Variants in SORCS2 observed in about 807,000 individuals in gnomAD.
SORCS2 encodes the protein sortilin related VPS10 domain containing receptor 2, also known as VPS10 domain-containing receptor SorCS2.
SORCS2 carries 100 observed loss-of-function variants against 141.6 expected under a neutral mutation model. That is an observed-to-expected ratio of 0.71 (90% CI 0.60 to 0.83). The LOEUF (loss-of-function observed/expected upper bound fraction) is 0.83. SORCS2 is among the 40% of genes least tolerant of loss of function. The pLI, the probability that SORCS2 is intolerant of heterozygous loss-of-function variation, is 0.00. For missense variants in SORCS2, 1,646 were observed against 1,560.2 expected, an observed-to-expected ratio of 1.05 and a Z score of -0.93; for synonymous variants, 789 against 676.9, an observed-to-expected ratio of 1.17 and a Z score of -2.57.
intron 2 of SORCS2, among the ~76,000 whole-genome samples, chr4:7,454,310 A>C (rs1387242189): frequency 8.1e-5 from 4 of 49,130 alleles, no homozygotes; most frequent in African/African-American, 8.9e-5. Context: ...TGGGGTTAGG[A>C]GCTGTGTGTT....
At chr4:7,390,325 G>A (rs1723774727) in intron 1 of SORCS2, among the ~76,000 whole-genome samples, 2 of 152,210 alleles carry the variant, frequency 1.3e-5, no homozygotes, top group Non-Finnish European at 1.5e-5. Flanking sequence ...CCATGTGTCA[G>A]GCTGCTTCAC....
intron 1 of SORCS2, among the ~76,000 whole-genome samples, chr4:7,255,863 AGC>A (rs1560143818): frequency 1.2e-3 from 10 of 8,660 alleles, no homozygotes; most frequent in Non-Finnish European, 2.1e-3. Context: ...CCGGGGCTGG[AGC>A]GTGGGGCCCC....
intron 14 of SORCS2, among the ~76,000 whole-genome samples, chr4:7,708,071 G>A (rs1017267941): frequency 1.8e-4 from 27 of 152,206 alleles, no homozygotes; most frequent in African/African-American, 5.5e-4. Context: ...GAAGCAGAAC[G>A]TCTGTGCCCA....
intron 2 of SORCS2, among the ~76,000 whole-genome samples, chr4:7,462,989 A>G (rs1729404085): frequency 6.6e-6 from 1 of 151,826 alleles, no homozygotes; most frequent in African/African-American, 2.4e-5. Context: ...ATCACTAGCC[A>G]CCACACCTCC....
chr4:7,362,689 C>T (rs922280782), intron 1 of SORCS2, among the ~76,000 whole-genome samples: 12 of 151,822 alleles, frequency 7.9e-5, no homozygotes, highest in African/African-American at 2.9e-4. Context: ...ACTGCCATCA[C>T]CATCTCCACC....
At chr4:7,588,937 T>C (rs903754059) in intron 3 of SORCS2, among the ~76,000 whole-genome samples, 2 of 152,054 alleles carry the variant, frequency 1.3e-5, no homozygotes, top group Non-Finnish European at 2.9e-5. Flanking sequence ...GGACATCAAG[T>C]TGGTTTTATA....
chr4:7,293,903 A>T (rs950267332), intron 1 of SORCS2, among the ~76,000 whole-genome samples: 1 of 152,214 alleles, frequency 6.6e-6, no homozygotes, highest in African/African-American at 2.4e-5. Context: ...GGCGCTGTCC[A>T]GCAGGGCGCA....
chr4:7,201,107 TG>T lies in SORCS2; in HGVS notation c.480+7985del, dbSNP rs1050218940. Among the ~76,000 whole-genome samples, 17 of 152,146 alleles carry T rather than the reference TG, an allele frequency of 1.1e-4. No homozygotes were observed. Among genetic ancestry groups the T allele is most frequent in the Non-Finnish European group, 2.5e-4 (17 of 68,036 alleles). On this transcript the variant is annotated intron_variant, in intron 1 of 26. Transcript: ENST00000507866. This position sits in a 1 kb window ranked among gnomAD's most constrained non-coding sequence, Gnocchi z 4.4. ...TTCTAGGTGCCGTGTGAATCTGCGC[TG>T]GGGAAGTCTGGGAAGATTTCCTGGA...
At chr4:7,707,640 G>T (rs892701034) in intron 14 of SORCS2, among the ~76,000 whole-genome samples, 6 of 152,234 alleles carry the variant, frequency 3.9e-5, no homozygotes, top group Non-Finnish European at 7.3e-5. Context: ...CTTGCTGGTG[G>T]CTGTGCCCTG....
intron 2 of SORCS2, chr4:7,434,837 T>G (rs1344383435): frequency 6.3e-7 from 1 of 1,593,346 alleles, no homozygotes; most frequent in Non-Finnish European, 8.5e-7. Context: ...CTGGCCCTGG[T>G]GGCCCCCAGG....
rs755228175 is a variant in SORCS2 at position 7,626,611 on chromosome 4, G to A, written c.649-11717G>A. Among the ~76,000 whole-genome samples the A allele has an allele frequency of 6.2e-4, 95 of 152,168 alleles. 5 individuals carry two copies. The highest frequency in any genetic ancestry group is 1.3e-4 in the Admixed American group (2 of 15,280). ...ATTTGTGTGTATCATATGTGTGTAC[G>A]TATTTATGTACGAATGCATGTATAT... On this transcript the variant is annotated intron_variant, in intron 3 of 26. Transcript: ENST00000507866.
chr4:7,734,223 G>C, intron 24 of SORCS2, 49 bp from the exon 25 acceptor site: 1 of 1,408,720 alleles, frequency 7.1e-7, no homozygotes, highest in Non-Finnish European at 9.7e-7. Context: ...GGATGGGACA[G>C]GGATGGGCGG....
At chr4:7,609,012 G>C (rs1164539590) in intron 3 of SORCS2, among the ~76,000 whole-genome samples, 2 of 152,030 alleles carry the variant, frequency 1.3e-5, no homozygotes, top group Non-Finnish European at 2.9e-5. Flanking sequence ...CAATAGGGGT[G>C]AACATGAGGT....
At chr4:7,544,067 T>C (rs753270926) in intron 3 of SORCS2, among the ~76,000 whole-genome samples, 2,440 of 111,034 alleles carry the variant, frequency 0.022, 109 homozygotes, top group Non-Finnish European at 0.029. Context: ...CACCCATCCA[T>C]CCACCCATCC....
Position 7,737,309 on chromosome 4 carries a change from G to A in SORCS2, c.3415+137G>A, listed in dbSNP as rs190779749. On this transcript the variant is annotated intron_variant, in intron 26 of 26. Coordinates refer to ENST00000507866, the MANE Select transcript of SORCS2 (RefSeq NM_020777.3). ...CGCTGGCCCAGCAGCCCTTGCCAGC[G>A]GGTCGGTCGGGCCCACTGTGTCCCC... 73 of 1,267,274 alleles carry A rather than the reference G, an allele frequency of 5.8e-5. No individual in the cohort carries two copies. The East Asian group carries it at 8.5e-4, about 15-fold the overall frequency. 78.5% of individuals were successfully genotyped at this position (1,267,274 alleles called of 1,614,324 possible).
At chr4:7,306,652 G>A (rs1717856987) in intron 1 of SORCS2, among the ~76,000 whole-genome samples, 1 of 152,192 alleles carries the variant, frequency 6.6e-6, no homozygotes, top group Admixed American at 6.5e-5. Flanking sequence ...TCCCAAAGCT[G>A]GTCCTGGGGA....
intron 4 of SORCS2, among the ~76,000 whole-genome samples, chr4:7,653,879 G>A (rs74609868): frequency 0.015 from 2,342 of 152,278 alleles, 65 homozygotes; most frequent in African/African-American, 0.053. Context: ...CCTCCTCTGT[G>A]AGACCCCTCT....
rs375792061 is a variant in SORCS2, at chr4:7,654,173, C to A, written c.853C>A (p.Leu285Met). 43 of 1,583,716 alleles carry A rather than the reference C, an allele frequency of 2.7e-5. No individual in the cohort carries two copies. The Admixed American group carries it at 3.6e-4, about 13-fold the overall frequency. The change falls in exon 5 of 27, where the codon CTG (leucine) becomes ATG (methionine). Residue 285 changes from leucine (L) to methionine (M), a missense_variant. Leu to Met is a conservative substitution (Grantham distance 15). Coordinates refer to ENST00000507866, the MANE Select transcript of SORCS2 (RefSeq NM_020777.3). ...SSDLGKKWTL[L>M]QERVTKDHVF... ...TGACTTGGGGAAAAAGTGGACACTT[C>A]TGCAAGAGCGAGTGACCAAAGACCA...
At chr4:7,654,726 C>A (rs1010207560) in intron 5 of SORCS2, among the ~76,000 whole-genome samples, 5 of 152,172 alleles carry the variant, frequency 3.3e-5, no homozygotes, top group African/African-American at 1.2e-4. Flanking sequence ...CACTGCTCAG[C>A]CTGTCACCCT....
Sources: gnomAD v4.1 joint callset for allele counts (sites outside exome capture counted in the v4.1 genomes callset) on GRCh38, gnomAD v4.1.1 for gene constraint, Gnocchi (gnomAD v3.1) non-coding constraint, MANE v1.5 for transcripts, NCBI Gene and HGNC (gene_info 2026-07-23, HGNC 2026-07-21) for gene names.